Variants in PIK3C2B observed in about 807,000 individuals in gnomAD.
PIK3C2B encodes the protein phosphatidylinositol 4-phosphate 3-kinase C2 domain-containing subunit beta.
In PIK3C2B, 83 loss-of-function variants were observed where a neutral mutation model predicts 184.3. The observed-to-expected ratio is 0.45, with a 90% CI of 0.38 to 0.54. PIK3C2B has a LOEUF of 0.54. PIK3C2B is among the 20% of genes least tolerant of loss of function. The probability of loss-of-function intolerance (pLI) is 0.00; values close to 1 mark genes in which losing one functional copy is unlikely to be tolerated. For missense variants in PIK3C2B, 1,736 were observed against 2,113.5 expected (o/e 0.82, Z 3.50); for synonymous variants, 779 against 837.6 (o/e 0.93, Z 1.21).
At chr1:204,471,768 A>C (rs4951380) in intron 1 of PIK3C2B, among the ~76,000 whole-genome samples, 29 of 152,132 alleles carry the variant, frequency 1.9e-4, no homozygotes, top group African/African-American at 7.0e-4. Flanking sequence ...TTCAATCTGT[A>C]TATTTTATTA....
chr1:204,443,452 G>C lies in PIK3C2B; in HGVS notation c.3013C>G (p.Gln1005Glu). 1 of 1,614,182 alleles carries C rather than the reference G, an allele frequency of 6.2e-7. No individual in the cohort carries two copies. The highest frequency in any genetic ancestry group is 8.5e-7 in the Non-Finnish European group (1 of 1,180,042). ...GATGGGGCTGCCTCCCGGACCTGCT[G>C]GGCCAGTTTGGCCAGGGCATTGACA... ...WLVNALAKLA[Q>E]QVREAAPSAR... The change falls in exon 19 of 33, where the codon CAG (glutamine) becomes GAG (glutamate). Residue 1005 changes from glutamine to glutamate, a missense_variant. By Grantham distance (29) the Gln-to-Glu change is conservative. Around this residue, in one of 8 missense-constraint regions of PIK3C2B, gnomAD observed 289 missense variants for 380.4 expected, o/e 0.76. Coordinates refer to ENST00000684373, the MANE Select transcript of PIK3C2B (RefSeq NM_001377334.1).
rs774397636 is a variant in PIK3C2B at position 204,432,224 on chromosome 1, C to T, written c.4131G>A (p.Lys1377=). 6.2e-7 allele frequency: 1 copy of T among 1,614,062 alleles called. No homozygotes were observed. The highest frequency in any genetic ancestry group is 1.1e-5 in the South Asian group (1 of 91,078). The change falls in exon 27 of 33, where the codon AAG becomes AAA. Residue 1377 remains lysine, a synonymous_variant. Coordinates refer to ENST00000684373, the MANE Select transcript of PIK3C2B (RefSeq NM_001377334.1). ...CATAGCCTTTGTTGGGGTGGAAGAT[C>T]TTCTCATGGCGGCAGAGGAAAACAT... is the stretch of plus-strand genomic sequence containing the variant. ...ISDVFLCRHE[K]IFHPNKGYIY...
At chr1:204,453,830 A>G (rs2103494605) in intron 12 of PIK3C2B, among the ~76,000 whole-genome samples, 1 of 151,958 alleles carries the variant, frequency 6.6e-6, no homozygotes, top group Middle Eastern at 3.4e-3. Context: ...CTGGAGTGCA[A>G]TGGCACGATC....
At chr1:204,444,450 A>C in intron 16 of PIK3C2B, 26 bp from the exon 17 acceptor site, 1 of 1,572,190 alleles carries the variant, frequency 6.4e-7, no homozygotes, top group Non-Finnish European at 8.7e-7. Context: ...CAGTGCCCTG[A>C]CAACCTAGCT....
rs56126116 is a variant in PIK3C2B, at chr1:204,425,760, C to CA, written c.4588-20dup. ...GCAGTTGCTACAATAGAATGAGAACCAAAAAAATGTTAAGATTTTTAACAT... is the reference window on the plus strand; with the variant it reads ...GCAGTTGCTACAATAGAATGAGAACCAAAAAAAATGTTAAGATTTTTAACAT... On this transcript the variant is annotated intron_variant, in intron 31 of 32. Transcript: ENST00000684373. The CA allele has an allele frequency of 8.1e-6, 13 of 1,605,786 alleles. No homozygotes were observed. The highest frequency in any genetic ancestry group is 1.1e-5 in the Non-Finnish European group (13 of 1,175,824).
chr1:204,447,133 G>A lies in PIK3C2B; in HGVS notation c.2489+303C>T, dbSNP rs1653947272. On this transcript the variant is annotated intron_variant, in intron 15 of 32. Coordinates refer to ENST00000684373, the MANE Select transcript of PIK3C2B (RefSeq NM_001377334.1). This position sits in a 1 kb window ranked among gnomAD's most constrained non-coding sequence, Gnocchi z 4.1. Reference sequence around the variant, plus strand: ...GGTGGTGGGGCCAGCTGCCCCAGTGGACAGAAGGTAGTAGATAGCACATCT... The same window carrying A: ...GGTGGTGGGGCCAGCTGCCCCAGTGAACAGAAGGTAGTAGATAGCACATCT... 6.6e-6 allele frequency among the ~76,000 whole-genome samples: 1 copy of A among 152,176 alleles called. No homozygotes were observed. Among genetic ancestry groups the A allele is most frequent in the Admixed American group, 6.5e-5 (1 of 15,282 alleles).
At position 204,431,734 on chromosome 1, in the gene PIK3C2B, G is replaced by A. The variant is rs201524772; in HGVS notation, c.4215C>T (p.Thr1405=). ...NTHEATYIQR[T]FEEFQELHNK... is the part of the protein sequence containing the mutation. ...TGTGTAATTCCTGGAACTCCTCAAA[G>A]GTCCGCTGGATGTAGGTGGCCTCGT... The change falls in exon 28 of 33, where the codon ACC becomes ACT. Residue 1405 remains threonine, a synonymous_variant. Coordinates refer to ENST00000684373, the MANE Select transcript of PIK3C2B (RefSeq NM_001377334.1). 183 of 1,614,040 alleles carry A rather than the reference G, an allele frequency of 1.1e-4. No individual in the cohort carries two copies. The highest frequency in any genetic ancestry group is 1.4e-4 in the Non-Finnish European group (164 of 1,180,028).
At chr1:204,486,105 T>C (rs1460132738) in intron 1 of PIK3C2B, among the ~76,000 whole-genome samples, 1 of 152,170 alleles carries the variant, frequency 6.6e-6, no homozygotes, top group African/African-American at 2.4e-5. Flanking sequence ...CCACTAATCT[T>C]AAGAATAATG....
chr1:204,434,022 G>A (rs16853649), intron 24 of PIK3C2B, 73 bp from the exon 25 acceptor site: 48,557 of 1,272,694 alleles, frequency 0.038, 1,896 homozygotes, highest in African/African-American at 0.19. Flanking sequence ...TGCATCAGGG[G>A]TCAGTTTCCC....
chr1:204,425,842 T>C, intron 31 of PIK3C2B, 101 bp from the exon 32 acceptor site: 2 of 1,107,424 alleles, frequency 1.8e-6, no homozygotes, highest in Middle Eastern at 2.5e-4. Flanking sequence ...TCATCTGCCA[T>C]CTGGCATCTT....
At chr1:204,444,489 C>G in intron 16 of PIK3C2B, 65 bp from the exon 17 acceptor site, 1 of 1,130,718 alleles carries the variant, frequency 8.8e-7, no homozygotes, top group Non-Finnish European at 1.3e-6. Flanking sequence ...GTGAGCCCAG[C>G]ACCCTCACAC....
chr1:204,459,899 C>T lies in PIK3C2B; in HGVS notation c.1545G>A (p.Val515=). 1 of 1,613,846 alleles carries T rather than the reference C, an allele frequency of 6.2e-7. No homozygotes were observed. Among genetic ancestry groups the T allele is most frequent in the East Asian group, 2.2e-5 (1 of 44,876 alleles). ...TCACATCAGCCAGCAGGAAGGCATC[C>T]ACCTCATTGTGGTAAGTGTCGAACA... The part of the protein sequence containing the change: ...SLLFDTYHNE[V]DAFLLADGDF... Residue 515 remains valine, a synonymous_variant, in exon 8 of 33, where the codon GTG becomes GTA. Coordinates refer to ENST00000684373, the MANE Select transcript of PIK3C2B (RefSeq NM_001377334.1).
intron 21 of PIK3C2B, 22 bp downstream of exon 21, chr1:204,441,449 G>A (rs2103480609): frequency 6.5e-7 from 1 of 1,543,722 alleles, no homozygotes; most frequent in Middle Eastern, 1.7e-4. Context: ...TGGTCCACCA[G>A]GCTTGAGTAA....
intron 17 of PIK3C2B, 30 bp downstream of exon 17, chr1:204,444,301 C>G: frequency 6.3e-7 from 1 of 1,587,334 alleles, no homozygotes. Context: ...ATGGGACCAG[C>G]AAAACTGGAG....
chr1:204,436,947 G>A (rs1035528807), intron 23 of PIK3C2B, among the ~76,000 whole-genome samples: 3 of 152,192 alleles, frequency 2.0e-5, no homozygotes, highest in Admixed American at 6.5e-5. Context: ...TTTGAGGAAT[G>A]AGAAGGGAAG....
Position 204,449,360 on chromosome 1 carries a change from C to T in PIK3C2B, c.2235-64G>A, listed in dbSNP as rs1654158442. 6 of 1,211,528 alleles carry T rather than the reference C, an allele frequency of 5.0e-6. No homozygotes were observed. The East Asian group carries it at 1.0e-4, about 20-fold the overall frequency. 75.0% of individuals were successfully genotyped at this position (1,211,528 alleles called of 1,614,324 possible). On this transcript the variant is annotated intron_variant, in intron 13 of 32. Transcript: ENST00000684373. ...CTAAGCAGAGAATATTTCTACTGCT[C>T]CCCCAATCCAAAAATCTGCCTTTTC...
chr1:204,477,989 G>C (rs1656845290), intron 1 of PIK3C2B, among the ~76,000 whole-genome samples: 1 of 152,188 alleles, frequency 6.6e-6, no homozygotes, highest in Admixed American at 6.5e-5. Flanking sequence ...TCAGTGGGCA[G>C]GGAAAATGGA....
At chr1:204,431,821 C>A in intron 27 of PIK3C2B, 28 bp from the exon 28 acceptor site, 1 of 1,614,078 alleles carries the variant, frequency 6.2e-7, no homozygotes, top group Non-Finnish European at 8.5e-7. Flanking sequence ...TTAGGGTGTA[C>A]CTGCCGAGCC....
chr1:204,474,597 CCTT>C (rs1438288498), intron 1 of PIK3C2B, among the ~76,000 whole-genome samples: 1 of 152,132 alleles, frequency 6.6e-6, no homozygotes, highest in Non-Finnish European at 1.5e-5. Context: ...TCCATCTCCT[CCTT>C]CTTTGTCTTC....
Sources: allele counts gnomAD v4.1 joint callset (sites outside exome capture counted in the v4.1 genomes callset), GRCh38; gene constraint gnomAD v4.1.1; regional missense constraint gnomAD v4.1.1; non-coding constraint Gnocchi (gnomAD v3.1); transcripts MANE v1.5; gene names NCBI Gene and HGNC (gene_info 2026-07-23, HGNC 2026-07-21).